Variants in ZNF782 observed in about 807,000 individuals in gnomAD.
ZNF782 encodes zinc finger protein 782.
ZNF782 carries 12 observed loss-of-function variants against 13.0 expected under a neutral mutation model. The ratio of observed to expected loss-of-function variants is 0.92; its 90% CI spans 0.59 to 1.50. The LOEUF (loss-of-function observed/expected upper bound fraction) is 1.50. Ranked by LOEUF, ZNF782 falls within the 40% of genes most tolerant of loss-of-function variation. The pLI, the probability that ZNF782 is intolerant of heterozygous loss-of-function variation, is 0.00. For synonymous variants in ZNF782, 284 were observed against 283.0 expected, an observed-to-expected ratio of 1.00 and a Z score of -0.04; for missense variants, 770 against 822.9, an observed-to-expected ratio of 0.94 and a Z score of 0.79.
chr9:96,887,611 G>T, the ZNF782 span: 1 of 152,200 alleles, frequency 6.6e-6, no homozygotes, highest in South Asian at 2.1e-4. Context: ...TCAGTGTGGC[G>T]ATTCCTCAGG....
chr9:96,876,882 T>C (rs1390661894), upstream of ZNF782, among the ~76,000 whole-genome samples: 2 of 126,090 alleles, frequency 1.6e-5, no homozygotes, highest in African/African-American at 6.2e-5. Context: ...GGCGGGCGCC[T>C]GCAGTCCCAG....
At chr9:96,858,774 T>C (rs962925823), upstream of ZNF782, among the ~76,000 whole-genome samples, 6 of 152,160 alleles carry the variant, frequency 3.9e-5, no homozygotes, top group Admixed American at 1.3e-4. The surrounding 1 kb of genome is among the most constrained non-coding windows in gnomAD (Gnocchi z 4.4). Context: ...GCCACAGAAG[T>C]GGAGCCTGAT....
chr9:96,819,358 T>C lies in ZNF782; in HGVS notation c.665A>G (p.Lys222Arg). 1 of 1,601,268 alleles carries C rather than the reference T, an allele frequency of 6.2e-7. No individual in the cohort carries two copies. Among genetic ancestry groups the C allele is most frequent in the Non-Finnish European group, 8.5e-7 (1 of 1,175,320 alleles). Residue 222 changes from lysine (K) to arginine (R), a missense_variant, in exon 6 of 6, where the codon AAA becomes AGA. Lys to Arg is a conservative substitution (Grantham distance 26). Transcript: ENST00000481138. ...GQDFEYNESR[K>R]AFLEKAALVT... ...AAGGGCAGCCTTTTCAAGAAAAGCT[T>C]TTCTACTTTCATTATATTCAAAATC... is the stretch of plus-strand genomic sequence containing the variant.
the ZNF782 span, among the ~76,000 whole-genome samples, chr9:96,920,568 A>T: frequency 6.7e-6 from 1 of 148,884 alleles, no homozygotes; most frequent in Non-Finnish European, 1.5e-5. Flanking sequence ...GCCCAGCCCA[A>T]AACCATTTTT....
chr9:96,873,051 T>C (rs1458619013), intron 1 of ZNF782, among the ~76,000 whole-genome samples: 1 of 151,262 alleles, frequency 6.6e-6, no homozygotes, highest in Non-Finnish European at 1.5e-5. Flanking sequence ...GCTTACCTTT[T>C]AGTTAAAAAT....
chr9:96,853,548 AAAAG>A (rs1851565749), intron 1 of ZNF782, among the ~76,000 whole-genome samples: 1 of 152,210 alleles, frequency 6.6e-6, no homozygotes, highest in South Asian at 2.1e-4. Flanking sequence ...CATCAGACTT[AAAAG>A]AGAGACACCC....
the ZNF782 span, among the ~76,000 whole-genome samples, chr9:96,899,607 C>T: frequency 4.6e-5 from 7 of 152,176 alleles, no homozygotes; most frequent in Non-Finnish European, 8.8e-5. Context: ...GGTTAAGGGA[C>T]TGCCTCTGGT....
At chr9:96,925,086 C>T in the ZNF782 span, among the ~76,000 whole-genome samples, 4 of 152,156 alleles carry the variant, frequency 2.6e-5, no homozygotes, top group East Asian at 1.9e-4. Context: ...GTTGGGTAAC[C>T]GCCCTTTCCG....
At chr9:96,879,975 C>G (rs919664535), upstream of ZNF782, among the ~76,000 whole-genome samples, 2 of 151,124 alleles carry the variant, frequency 1.3e-5, no homozygotes, top group African/African-American at 4.9e-5. Context: ...TATGCCTTTT[C>G]TTTTCTTACA....
chr9:96,900,838 C>T, the ZNF782 span, among the ~76,000 whole-genome samples: 1 of 150,144 alleles, frequency 6.7e-6, no homozygotes, highest in Non-Finnish European at 1.5e-5. Context: ...CAAGAAATCC[C>T]ATTATTCATT....
chr9:96,860,951 A>C (rs752106483), intron 2 of ZNF782, among the ~76,000 whole-genome samples: 1 of 152,248 alleles, frequency 6.6e-6, no homozygotes, highest in Non-Finnish European at 1.5e-5. Context: ...AAAGTGGATT[A>C]AAGATTTAAA....
chr9:96,819,829 T>C (rs1267621019), intron 5 of ZNF782, 51 bp from the exon 6 acceptor site: 3 of 1,431,556 alleles, frequency 2.1e-6, no homozygotes, highest in Admixed American at 2.6e-5. Context: ...ACATTTCTTA[T>C]GGAATGGGAC....
At chr9:96,931,020 G>C in the ZNF782 span, among the ~76,000 whole-genome samples, 1 of 151,136 alleles carries the variant, frequency 6.6e-6, no homozygotes, top group African/African-American at 2.4e-5. Context: ...TCAGCCTCCT[G>C]AGTAGCTGCG....
At chr9:96,858,498 T>G (rs139554447), upstream of ZNF782, among the ~76,000 whole-genome samples, 356 of 152,294 alleles carry the variant, frequency 2.3e-3, 3 homozygotes, top group African/African-American at 8.1e-3. The surrounding 1 kb of genome is among the most constrained non-coding windows in gnomAD (Gnocchi z 4.4). Context: ...TCATGGGGTC[T>G]TTCTTCCAGT....
chr9:96,861,100 T>A (rs1851697962), intron 2 of ZNF782, among the ~76,000 whole-genome samples: 1 of 152,008 alleles, frequency 6.6e-6, no homozygotes, highest in African/African-American at 2.4e-5. Context: ...AAAAAAAAAT[T>A]TTAAAAAAGA....
At chr9:96,911,442 A>AG in the ZNF782 span, among the ~76,000 whole-genome samples, 1 of 143,282 alleles carries the variant, frequency 7.0e-6, no homozygotes, top group Non-Finnish European at 1.5e-5. Context: ...CTGTCTCAAA[A>AG]AAAAAAAAAA....
chr9:96,924,910 C>T, the ZNF782 span, among the ~76,000 whole-genome samples: 6 of 152,200 alleles, frequency 3.9e-5, no homozygotes, highest in South Asian at 4.1e-4. Flanking sequence ...CGCTAAGGAC[C>T]GCTCCCGCCT....
chr9:96,884,277 C>A, the ZNF782 span, among the ~76,000 whole-genome samples: 1 of 152,190 alleles, frequency 6.6e-6, no homozygotes. Context: ...CCTTCACCCC[C>A]ACCCAGCAGC....
At chr9:96,922,282 T>C in the ZNF782 span, among the ~76,000 whole-genome samples, 4 of 152,048 alleles carry the variant, frequency 2.6e-5, no homozygotes, top group East Asian at 5.8e-4. Context: ...CTCAACATTA[T>C]ACAGTAAGGA....
Sources: allele counts gnomAD v4.1 joint callset (sites outside exome capture counted in the v4.1 genomes callset), GRCh38; gene constraint gnomAD v4.1.1; non-coding constraint Gnocchi (gnomAD v3.1); transcripts MANE v1.5; gene names NCBI Gene and HGNC (gene_info 2026-07-23, HGNC 2026-07-21).